NUDT17: variants seen among roughly 807,000 people sequenced by gnomAD.
The protein encoded by NUDT17 is nudix hydrolase 17, also known as m7GpppN-mRNA hydrolase NUDT17.
Under a neutral mutation model 38.6 loss-of-function variants are expected in NUDT17, and 38 were observed. That is an observed-to-expected ratio of 0.98 (90% CI 0.76 to 1.29). The LOEUF (loss-of-function observed/expected upper bound fraction) is 1.29, where lower values mean the gene tolerates loss of function less well. Among genes scored for constraint, NUDT17 ranks in the 50% most tolerant of loss-of-function variants. The pLI, the probability that NUDT17 is intolerant of heterozygous loss-of-function variation, is 0.00. For synonymous variants in NUDT17, 192 were observed against 167.8 expected (o/e 1.14, Z -1.11); for missense variants, 462 against 415.2 (o/e 1.11, Z -0.98).
chr1:145,848,299 A>G, intron 7 of NUDT17, 35 bp downstream of exon 7: 1 of 1,613,774 alleles, frequency 6.2e-7, no homozygotes, highest in Non-Finnish European at 8.5e-7. Context: ...GCTCCACAGT[A>G]CTGGGCTGGA....
chr1:145,848,328 G>A lies in NUDT17; in HGVS notation c.885-49G>A, dbSNP rs782342165. 11 of 1,612,410 alleles carry A rather than the reference G, an allele frequency of 6.8e-6. No homozygotes were observed. In the South Asian group the frequency reaches 1.1e-4, roughly 16 times the overall value. ...GGCTGGAATGGTCTAGTTTTTACAG[G>A]CACGGGGGAAAGCAGGAAAGGACAA... is the stretch of plus-strand genomic sequence containing the variant. On this transcript the variant is annotated intron_variant, in intron 7 of 7. Transcript: ENST00000334513.
At chr1:145,846,405 T>TC in intron 2 of NUDT17, 28 bp from the exon 3 acceptor site, 1 of 1,614,000 alleles carries the variant, frequency 6.2e-7, no homozygotes, top group Non-Finnish European at 8.5e-7. Context: ...CCACCACCAT[T>TC]CACCTACTGG....
Position 145,845,851 on chromosome 1 carries a change from C to A in NUDT17, c.192+19C>A, listed in dbSNP as rs1184323966. 6.4e-7 allele frequency: 1 copy of A among 1,572,300 alleles called. No individual in the cohort carries two copies. The highest frequency in any genetic ancestry group is 1.2e-5 in the South Asian group (1 of 85,928). On this transcript the variant is annotated intron_variant, in intron 1 of 7. Coordinates refer to ENST00000334513, the MANE Select transcript of NUDT17 (RefSeq NM_001012758.3). ...GCTCCAGGTCGGCAGAAGGGGGCCC[C>A]AGAGCGGGGGCAGTGAAGGGCCAAA...
intron 4 of NUDT17, 73 bp from the exon 5 acceptor site, chr1:145,847,177 A>G: frequency 1.2e-6 from 1 of 863,924 alleles, no homozygotes; most frequent in African/African-American, 1.7e-5. Flanking sequence ...CTGGGCGACA[A>G]GAGCGAAACT....
chr1:145,848,315 C>CTA, intron 7 of NUDT17, 51 bp downstream of exon 7: 3 of 1,612,708 alleles, frequency 1.9e-6, no homozygotes, highest in Non-Finnish European at 1.7e-6. Context: ...CTGGAATGGT[C>CTA]TAGTTTTTAC....
At position 145,848,704 on chromosome 1, in the gene NUDT17, A is replaced by G. The variant is rs936150158; in HGVS notation, c.*225A>G. ...AGCCAGGCCTAACTACAGGGCCATG[A>G]GCCTCTAGAAGCTTAGGGGGGAATA... is the stretch of plus-strand genomic sequence containing the variant. On this transcript the variant is annotated 3_prime_UTR_variant, in exon 8 of 8. Transcript: ENST00000334513. 5 of 505,478 alleles carry G rather than the reference A, an allele frequency of 9.9e-6. No individual in the cohort carries two copies. The highest frequency in any genetic ancestry group is 1.7e-5 in the Non-Finnish European group (5 of 286,204). The allele number at this position is 505,478 out of a possible 1,614,324, so 31.3% of individuals were successfully genotyped here. A position where few individuals can be genotyped will look rare whatever the true frequency, so the allele number is the denominator to read the frequency against.
In NUDT17 at chr1:145,846,113, T is replaced by C. The variant is rs371090124; in HGVS notation, c.293T>C (p.Ile98Thr). The C allele has an allele frequency of 1.7e-5, 27 of 1,602,610 alleles. No homozygotes were observed. The highest frequency in any genetic ancestry group is 3.3e-4 in the Middle Eastern group (2 of 6,052). The change falls in exon 2 of 8, where the codon ATT (isoleucine) becomes ACT (threonine). Residue 98 changes from isoleucine (I) to threonine (T), a missense_variant. By Grantham distance (89) the Ile-to-Thr change is moderately conservative. Transcript: ENST00000334513. ...DRGVDLGVAV[I>T]LQSSDKTVLL... The stretch of plus-strand genomic sequence containing the variant: ...GGTGTGGACCTGGGTGTGGCCGTCA[T>C]TCTGCAGTCCAGCGACAAGACTGTC...
In NUDT17 at chr1:145,846,135, T is replaced by G. The variant is rs781887361; in HGVS notation, c.315T>G (p.Thr105=). Residue 105 remains threonine (T), a synonymous_variant, in exon 2 of 8, where the codon ACT becomes ACG. Coordinates refer to ENST00000334513, the MANE Select transcript of NUDT17 (RefSeq NM_001012758.3). ...VAVILQSSDK[T]VLLTRRARTL... ...TCATTCTGCAGTCCAGCGACAAGACTGTCTTGCTAACCCGAAGGGCACGCA... is the reference window on the plus strand; with the variant it reads ...TCATTCTGCAGTCCAGCGACAAGACGGTCTTGCTAACCCGAAGGGCACGCA... The G allele has an allele frequency of 8.1e-6, 13 of 1,600,034 alleles. No individual in the cohort carries two copies. The Admixed American group carries it at 1.6e-4, about 19-fold the overall frequency.
chr1:145,847,578 C>T lies in NUDT17; in HGVS notation c.595-5C>T, dbSNP rs782595297. 6.2e-7 allele frequency: 1 copy of T among 1,612,644 alleles called. No individual in the cohort carries two copies. The highest frequency in any genetic ancestry group is 8.5e-7 in the Non-Finnish European group (1 of 1,179,970). On this transcript the variant is annotated splice_region_variant and splice_polypyrimidine_tract_variant and intron_variant, in intron 5 of 7. Transcript: ENST00000334513. ...TGACTGAGGGGTCACCATGTCTGAC[C>T]CCAGGCCCGGATCCAACCAAACCCA...
chr1:145,848,602 G>C lies in NUDT17; in HGVS notation c.*123G>C. 1.4e-6 allele frequency: 1 copy of C among 728,564 alleles called. No individual in the cohort carries two copies. Among genetic ancestry groups the C allele is most frequent in the Non-Finnish European group, 2.3e-6 (1 of 439,002 alleles). The allele number at this position is 728,564 out of a possible 1,614,324, so 45.1% of individuals were successfully genotyped here. ...AAGTAAAATTACAACATAGGTCCTA[G>C]GCCTTGGCGAGCCTGAAAAAGAAGA... On this transcript the variant is annotated 3_prime_UTR_variant, in exon 8 of 8. Coordinates refer to ENST00000334513, the MANE Select transcript of NUDT17 (RefSeq NM_001012758.3).
intron 4 of NUDT17, 56 bp from the exon 5 acceptor site, chr1:145,847,194 T>TAAAAA: frequency 2.2e-6 from 2 of 924,730 alleles, no homozygotes; most frequent in Non-Finnish European, 3.2e-6. Flanking sequence ...AACTCCATCT[T>TAAAAA]AAAAAAAAAA....
Position 145,848,445 on chromosome 1 carries a change from A to G in NUDT17, c.953A>G (p.Asp318Gly), listed in dbSNP as rs1553733295. The G allele has an allele frequency of 1.2e-6, 2 of 1,614,038 alleles. No individual in the cohort carries two copies. The highest frequency in any genetic ancestry group is 8.5e-7 in the Non-Finnish European group (1 of 1,179,958). Residue 318 changes from aspartate (D) to glycine (G), a missense_variant, in exon 8 of 8, where the codon GAC (aspartate) becomes GGC (glycine). Asp to Gly is a moderately conservative substitution (Grantham distance 94). Transcript: ENST00000334513. ...PGPAKEEWNM[D>G]PLPPNQGSGK ...CCAGCAAAGGAAGAATGGAACATGG[A>G]CCCTCTTCCCCCAAACCAGGGGTCT...
Position 145,848,613 on chromosome 1 carries a change from G to T in NUDT17, c.*134G>T, listed in dbSNP as rs1160845946. The T allele has an allele frequency of 1.2e-5, 8 of 679,450 alleles. No individual in the cohort carries two copies. Among genetic ancestry groups the T allele is most frequent in the Non-Finnish European group, 2.0e-5 (8 of 402,892 alleles). 42.1% of individuals were successfully genotyped at this position (679,450 alleles called of 1,614,324 possible). A position where few individuals can be genotyped will look rare whatever the true frequency, so the allele number is the denominator to read the frequency against. On this transcript the variant is annotated 3_prime_UTR_variant, in exon 8 of 8. Coordinates refer to ENST00000334513, the MANE Select transcript of NUDT17 (RefSeq NM_001012758.3). ...CAACATAGGTCCTAGGCCTTGGCGA[G>T]CCTGAAAAAGAAGATTGGGAAGGAG...
At chr1:145,847,494 T>C in intron 5 of NUDT17, 89 bp from the exon 6 acceptor site, 1 of 1,562,980 alleles carries the variant, frequency 6.4e-7, no homozygotes, top group South Asian at 1.1e-5. Context: ...GCTCCTGCCT[T>C]TCTCCATGAA....
rs747900720 is a variant in NUDT17, at chr1:145,848,331, C to T, written c.885-46C>T. On this transcript the variant is annotated intron_variant, in intron 7 of 7. Transcript: ENST00000334513. ...TGGAATGGTCTAGTTTTTACAGGCACGGGGGAAAGCAGGAAAGGACAACCT... is the reference window on the plus strand; with the variant it reads ...TGGAATGGTCTAGTTTTTACAGGCATGGGGGAAAGCAGGAAAGGACAACCT... The T allele has an allele frequency of 2.9e-5, 46 of 1,611,488 alleles. 1 individual carries two copies. In the Middle Eastern group the frequency reaches 5.0e-4, roughly 17 times the overall value.
rs987844896 is a variant in NUDT17, at chr1:145,845,826, G to A, written c.186G>A (p.Pro62=). The change falls in exon 1 of 8, where the codon CCG becomes CCA. Residue 62 remains proline (P), a synonymous_variant. Coordinates refer to ENST00000334513, the MANE Select transcript of NUDT17 (RefSeq NM_001012758.3). ...TCCCAGGCGCCTCCGCTAGGCTTCC[G>A]CTCCAGGTCGGCAGAAGGGGGCCCC... is the stretch of plus-strand genomic sequence containing the variant. ...RPFPGASARL[P]LQRPPFCPFA... 8 of 1,593,070 alleles carry A rather than the reference G, an allele frequency of 5.0e-6. No individual in the cohort carries two copies. The highest frequency in any genetic ancestry group is 1.3e-5 in the African/African-American group (1 of 74,636).
intron 6 of NUDT17, 64 bp from the exon 7 acceptor site, chr1:145,848,048 A>C: frequency 6.3e-7 from 1 of 1,590,068 alleles, no homozygotes. Flanking sequence ...TCGGGGACCT[A>C]ACATATATGT....
chr1:145,848,206 G>T lies in NUDT17; in HGVS notation c.826G>T (p.Glu276Ter). 1 of 1,614,090 alleles carries T rather than the reference G, an allele frequency of 6.2e-7. No homozygotes were observed. The highest frequency in any genetic ancestry group is 8.5e-7 in the Non-Finnish European group (1 of 1,179,918). Residue 276 changes from glutamate to a stop codon, truncating the protein, a stop_gained, in exon 7 of 8, where the codon GAG becomes TAG. Transcript: ENST00000334513. LOFTEE classifies it high-confidence loss of function. ...RMIPTMAEDK[E>*]RVSTGTKFAL... ...GATCCCAACCATGGCAGAGGACAAA[G>T]AGAGAGTCAGCACTGGAACCAAGTT...
At position 145,848,119 on chromosome 1, in the gene NUDT17, G is replaced by T; in HGVS notation, c.739G>T (p.Glu247Ter). 6.2e-7 allele frequency: 1 copy of T among 1,613,520 alleles called. No homozygotes were observed. The highest frequency in any genetic ancestry group is 8.5e-7 in the Non-Finnish European group (1 of 1,179,960). Residue 247 changes from glutamate to a stop codon, truncating the protein, a stop_gained, in exon 7 of 8, where the codon GAA (glutamate) becomes TAA (stop). Transcript: ENST00000334513. LOFTEE classifies it high-confidence loss of function. ...GGAGTTGTCACCATGCAGTGCAGTG[G>T]AACTAGAGGAGGATGGAAGAGCCCG... ...QDLPPSVLAV[E>*]LEEDGRARPL...
Sources: gnomAD v4.1 joint callset for allele counts on GRCh38, gnomAD v4.1.1 for gene constraint, MANE v1.5 for transcripts, NCBI Gene and HGNC (gene_info 2026-07-23, HGNC 2026-07-21) for gene names.